The following CHST9 variants were observed in gnomAD, a reference collection of about 807,000 sequenced individuals.
CHST9 encodes GalNAc-4-sulfotransferase 2.
A neutral mutation model predicts 44.4 loss-of-function variants in CHST9; 41 were observed. The observed-to-expected ratio is 0.92, with a 90% confidence interval of 0.72 to 1.20. The LOEUF (loss-of-function observed/expected upper bound fraction) is 1.20. CHST9 is among the 50% of genes most tolerant of loss of function. The pLI is 0.00. For missense variants in CHST9, 504 were observed against 516.5 expected (o/e 0.98, Z 0.23); for synonymous variants, 171 against 178.4 (o/e 0.96, Z 0.33).
At chr18:27,130,618 C>CA (rs1220338851) in intron 2 of CHST9, among the ~76,000 whole-genome samples, 1 of 152,086 alleles carries the variant, frequency 6.6e-6, no homozygotes, top group Non-Finnish European at 1.5e-5. Context: ...TAGCAGCTTT[C>CA]AAACATATAA....
At chr18:27,010,800 G>A (rs149051979) in intron 4 of CHST9, among the ~76,000 whole-genome samples, 231 of 152,238 alleles carry the variant, frequency 1.5e-3, no homozygotes, top group Non-Finnish European at 2.8e-3. Context: ...TTTCCTGATC[G>A]GGACTGTTTC....
At chr18:26,937,000 G>A (rs190846188) in intron 5 of CHST9, among the ~76,000 whole-genome samples, 5 of 152,256 alleles carry the variant, frequency 3.3e-5, no homozygotes, top group African/African-American at 1.2e-4. Context: ...TTGTAAGAGA[G>A]TTTTTAGAAG....
intron 4 of CHST9, among the ~76,000 whole-genome samples, chr18:27,022,906 G>C (rs568156506): frequency 1.4e-3 from 211 of 152,268 alleles, no homozygotes; most frequent in African/African-American, 4.7e-3. Flanking sequence ...AGACAAAAAG[G>C]GAATTTTATT....
intron 4 of CHST9, among the ~76,000 whole-genome samples, chr18:26,961,488 G>T (rs1269419820): frequency 2.0e-5 from 3 of 151,838 alleles, no homozygotes. Context: ...GGAGTGCAAT[G>T]GTGCAATCAT....
chr18:27,114,128 A>C (rs1161205199), intron 2 of CHST9, among the ~76,000 whole-genome samples: 1 of 152,214 alleles, frequency 6.6e-6, no homozygotes, highest in African/African-American at 2.4e-5. Context: ...AGTGGACTGA[A>C]GTTTGAAAAT....
chr18:27,074,572 A>G (rs1042079568), intron 2 of CHST9, among the ~76,000 whole-genome samples: 2 of 152,144 alleles, frequency 1.3e-5, no homozygotes, highest in Non-Finnish European at 2.9e-5. Flanking sequence ...AAGCATTCCC[A>G]TCCTCCTGAC....
Position 26,914,787 on chromosome 18 carries a change from T to C in CHST9, c.*1472A>G, listed in dbSNP as rs971795645. On this transcript the variant is annotated 3_prime_UTR_variant, in exon 6 of 6. Coordinates refer to ENST00000618847, the MANE Select transcript of CHST9 (RefSeq NM_031422.6). ...CTATTAACATTCAACTATTAATACC[T>C]ACTGTTCTTTGAAAGCCATTACTGA... is the stretch of plus-strand genomic sequence containing the variant. 1.5e-5 allele frequency: 6 copies of C among 395,102 alleles called. No homozygotes were observed. The highest frequency in any genetic ancestry group is 1.4e-4 in the South Asian group (1 of 7,236). The allele number at this position is 395,102 out of a possible 1,614,324, so 24.5% of individuals were successfully genotyped here.
intron 2 of CHST9, among the ~76,000 whole-genome samples, chr18:27,110,645 G>A (rs1411849358): frequency 6.6e-6 from 1 of 152,168 alleles, no homozygotes; most frequent in African/African-American, 2.4e-5. Context: ...TGGGGAACTG[G>A]GAGGGAACAC....
chr18:26,985,475 A>T (rs1892783705), intron 4 of CHST9, among the ~76,000 whole-genome samples: 1 of 152,222 alleles, frequency 6.6e-6, no homozygotes, highest in Admixed American at 6.5e-5. Flanking sequence ...AAGCCATGTG[A>T]TTGTCCCAGT....
chr18:26,915,140 AAAAAG>A lies in CHST9; in HGVS notation c.*1114_*1118del. 2.5e-6 allele frequency: 1 copy of A among 394,094 alleles called. No homozygotes were observed. The highest frequency in any genetic ancestry group is 4.5e-6 in the Non-Finnish European group (1 of 223,434). 24.4% of individuals were successfully genotyped at this position (394,094 alleles called of 1,614,324 possible). ...TTGTTAGTATAGAATATTTAAACTT[AAAAAG>A]AAAATACCTTAATTTACTTATGCAT... On this transcript the variant is annotated 3_prime_UTR_variant, in exon 6 of 6. Coordinates refer to ENST00000618847, the MANE Select transcript of CHST9 (RefSeq NM_031422.6).
At chr18:26,974,263 G>T (rs2056589621) in intron 4 of CHST9, among the ~76,000 whole-genome samples, 1 of 152,216 alleles carries the variant, frequency 6.6e-6, no homozygotes, top group African/African-American at 2.4e-5. Context: ...ACACAGGCAG[G>T]CATGGCAAAG....
chr18:27,142,682 G>T lies in CHST9; in HGVS notation c.121+7C>A. The T allele has an allele frequency of 1.3e-6, 2 of 1,582,328 alleles. No homozygotes were observed. Among genetic ancestry groups the T allele is most frequent in the Non-Finnish European group, 1.7e-6 (2 of 1,167,278 alleles). On this transcript the variant is annotated splice_region_variant and intron_variant, in intron 2 of 5. Coordinates refer to ENST00000618847, the MANE Select transcript of CHST9 (RefSeq NM_031422.6). ...AATTAAAATAGAAGAAAAAGCACAT[G>T]TGTTACCTGTATGTTGTTCTTCAAT...
At position 26,909,008 on chromosome 18, in the gene CHST9, C is replaced by G. The variant is rs551149839; in HGVS notation, c.*7251G>C. The G allele has an allele frequency of 1.3e-5, 2 of 152,196 alleles. No individual in the cohort carries two copies. The highest frequency in any genetic ancestry group is 4.1e-4 in the South Asian group (2 of 4,832). 9.4% of individuals were successfully genotyped at this position (152,196 alleles called of 1,614,324 possible). ...AAAATTGCCTTCAGTACACATTTGTCTTTTATATTTCAAACAGAGGAAAGT... is the reference window on the plus strand; with the variant it reads ...AAAATTGCCTTCAGTACACATTTGTGTTTTATATTTCAAACAGAGGAAAGT... On this transcript the variant is annotated 3_prime_UTR_variant, in exon 6 of 6. Transcript: ENST00000618847.
chr18:27,047,388 T>TTGTGTGTGTGTGTGTGTGTGTG (rs55698484), intron 3 of CHST9, among the ~76,000 whole-genome samples: 53 of 145,550 alleles, frequency 3.6e-4, no homozygotes, highest in Admixed American at 7.6e-4. Context: ...GCCTTCATAA[T>TTGTGTGTGTGTGTGTGTGTGTG]TGTGTGTGTG....
chr18:27,061,443 T>A (rs1229939348), intron 2 of CHST9, among the ~76,000 whole-genome samples: 1 of 152,194 alleles, frequency 6.6e-6, no homozygotes, highest in Non-Finnish European at 1.5e-5. Flanking sequence ...CCAGGCACTG[T>A]ACTTTAGAGG....
In CHST9 at chr18:26,952,411, G is replaced by C. The variant is rs575959826; in HGVS notation, c.203-8045C>G. 4.4e-5 allele frequency: 19 copies of C among 435,208 alleles called. No homozygotes were observed. In the East Asian group the frequency reaches 1.1e-3, roughly 25 times the overall value. The allele number at this position is 435,208 out of a possible 1,614,324, so 27.0% of individuals were successfully genotyped here. On this transcript the variant is annotated intron_variant, in intron 4 of 5. Coordinates refer to ENST00000618847, the MANE Select transcript of CHST9 (RefSeq NM_031422.6). ...GGTGGGGATTTTGTACATAGAGACT[G>C]CCTTTGCACCATAGTTTTTACCGGA...
intron 1 of CHST9, among the ~76,000 whole-genome samples, chr18:27,150,027 CTCTT>C (rs2058647258): frequency 6.6e-6 from 1 of 151,774 alleles, no homozygotes; most frequent in African/African-American, 2.4e-5. Flanking sequence ...ATTGTGGCCT[CTCTT>C]TCTTAGCATT....
intron 4 of CHST9, among the ~76,000 whole-genome samples, chr18:27,000,902 T>C (rs901442776): frequency 6.6e-6 from 1 of 152,092 alleles, no homozygotes; most frequent in Non-Finnish European, 1.5e-5. Context: ...CACCCCCCCA[T>C]CTCTGAATTG....
chr18:27,040,861 T>G (rs8088323), intron 3 of CHST9, among the ~76,000 whole-genome samples: 91,606 of 151,994 alleles, frequency 0.6, 27,787 homozygotes, highest in East Asian at 0.73. Context: ...TTACCCTGTG[T>G]GAAAATCAGG....
Sources: gnomAD v4.1 joint callset for allele counts (sites outside exome capture counted in the v4.1 genomes callset) on GRCh38, gnomAD v4.1.1 for gene constraint, MANE v1.5 for transcripts, NCBI Gene and HGNC (gene_info 2026-07-23, HGNC 2026-07-21) for gene names.